Variants in PCNX3 observed in about 807,000 individuals in gnomAD.
The protein encoded by PCNX3 is pecanex 3.
Under a neutral mutation model 207.2 loss-of-function variants are expected in PCNX3, and 58 were observed. The observed-to-expected ratio is 0.28, with a 90% confidence interval of 0.23 to 0.35. PCNX3 has a LOEUF of 0.35. PCNX3 is among the 10% of genes least tolerant of loss of function. The pLI is 1.00. For synonymous variants in PCNX3, 1,337 were observed against 1,183.5 expected (o/e 1.13, Z -2.66); for missense variants, 2,410 against 2,774.4 (o/e 0.87, Z 2.95).
Position 65,625,171 on chromosome 11 carries a change from A to C in PCNX3, c.2920A>C (p.Thr974Pro). The change falls in exon 17 of 35, where the codon ACT becomes CCT. Residue 974 changes from threonine to proline, a missense_variant and splice_region_variant. Physicochemically the swap from Thr to Pro is conservative, Grantham distance 38. This residue lies in a region of PCNX3 where 333 missense variants were observed against 386.8 expected (regional missense o/e 0.86). Coordinates refer to ENST00000355703, the MANE Select transcript of PCNX3 (RefSeq NM_032223.4). This position sits in a 1 kb window ranked among gnomAD's most constrained non-coding sequence, Gnocchi z 5.6. ...LYGFCLGAIK[T>P]PWPEQHVPVL... is the part of the protein sequence containing the mutation. ...TGACCAGCATGGATTCTCTCCGCAG[A>C]CTCCGTGGCCAGAGCAGCACGTCCC... 1 of 1,603,464 alleles carries C rather than the reference A, an allele frequency of 6.2e-7. No individual in the cohort carries two copies. Among genetic ancestry groups the C allele is most frequent in the Non-Finnish European group, 8.5e-7 (1 of 1,175,818 alleles).
At chr11:65,632,667 A>G (rs1565170608) in intron 27 of PCNX3, among the ~76,000 whole-genome samples, 1 of 145,984 alleles carries the variant, frequency 6.9e-6, no homozygotes, top group East Asian at 2.0e-4. Context: ...TGTCAGAGAA[A>G]AGGATGGCAC....
chr11:65,617,618 G>T lies in PCNX3; in HGVS notation c.489G>T (p.Lys163Asn), dbSNP rs754438864. ...CTGGGGCCATGGTTGCAGACATCAA[G>T]GAGCTGGTGCGGGAGCAGGGCAGCA... ...MEDSGPLRDI[K>N]ELVREQGSNN... is the part of the protein sequence containing the mutation. The change falls in exon 5 of 35, where the codon AAG becomes AAT. Residue 163 changes from lysine (K) to asparagine (N), a missense_variant. This residue lies in a region of PCNX3 where 1,104 missense variants were observed against 970.3 expected (regional missense o/e 1.14). Coordinates refer to ENST00000355703, the MANE Select transcript of PCNX3 (RefSeq NM_032223.4). 3 of 1,611,684 alleles carry T rather than the reference G, an allele frequency of 1.9e-6. No individual in the cohort carries two copies.
rs891736773 is a variant in PCNX3 at position 65,620,861 on chromosome 11, C to T, written c.2130C>T (p.His710=). The change falls in exon 10 of 35, where the codon CAC becomes CAT. Residue 710 remains histidine, a synonymous_variant. Coordinates refer to ENST00000355703, the MANE Select transcript of PCNX3 (RefSeq NM_032223.4). ...WDRHSHSSSF[H]SADVPEATGG... Reference sequence around the variant, plus strand: ...GACACTCGCATTCCTCCAGCTTCCACTCGGCTGATGTCCCTGAGGCTACAG... The same window carrying T: ...GACACTCGCATTCCTCCAGCTTCCATTCGGCTGATGTCCCTGAGGCTACAG... 4 of 1,590,074 alleles carry T rather than the reference C, an allele frequency of 2.5e-6. No individual in the cohort carries two copies.
In PCNX3 at chr11:65,636,195, C is replaced by T. The variant is rs61732727; in HGVS notation, c.5481C>T (p.Ala1827=). Residue 1827 remains alanine, a synonymous_variant, in exon 33 of 35, where the codon GCC becomes GCT. Transcript: ENST00000355703. ...TWERLHKGCG[A]GCNSGGNVDD... ...CCAGGCTTCACAAGGGCTGTGGCGC[C>T]GGCTGCAATAGTGGCGGGAACGTGG... The T allele has an allele frequency of 6.1e-3, 9,778 of 1,602,746 alleles. 450 individuals carry two copies. In the African/African-American group the frequency reaches 0.1, roughly 17 times the overall value.
At chr11:65,621,180 T>C (rs1260651652) in intron 10 of PCNX3, among the ~76,000 whole-genome samples, 2 of 152,246 alleles carry the variant, frequency 1.3e-5, no homozygotes, top group African/African-American at 4.8e-5. Flanking sequence ...ATTTGCTTAC[T>C]ACGAATTCCT....
rs765219889 is a variant in PCNX3, at chr11:65,636,967, C to T, written c.6094C>T (p.His2032Tyr). ...ESPAAQPLLE[H>Y]QY Reference sequence around the variant, plus strand: ...CCCGGCAGCCCAGCCCCTGCTGGAACACCAGTACTGAGCTACCTGGCGCCC... The same window carrying T: ...CCCGGCAGCCCAGCCCCTGCTGGAATACCAGTACTGAGCTACCTGGCGCCC... The change falls in exon 35 of 35, where the codon CAC becomes TAC. Residue 2032 changes from histidine to tyrosine, a missense_variant. Transcript: ENST00000355703. The T allele has an allele frequency of 3.8e-6, 6 of 1,570,494 alleles. 1 individual carries two copies. The South Asian group carries it at 5.8e-5, about 15-fold the overall frequency.
rs996296320 is a variant in PCNX3 at position 65,618,611 on chromosome 11, G to A, written c.1249G>A (p.Gly417Ser). 2.6e-5 allele frequency: 42 copies of A among 1,612,500 alleles called. No individual in the cohort carries two copies. The highest frequency in any genetic ancestry group is 3.5e-5 in the Non-Finnish European group (41 of 1,179,818). Residue 417 changes from glycine (G) to serine (S), a missense_variant, in exon 6 of 35, where the codon GGC becomes AGC. Gly to Ser is a moderately conservative substitution (Grantham distance 56, BLOSUM62 0). This residue lies in a region of PCNX3 where 1,104 missense variants were observed against 970.3 expected (regional missense o/e 1.14). Transcript: ENST00000355703. The part of the protein sequence containing the change: ...APRRPLLEGG[G>S]FFEDEDTSEG... ...TCGACGGCCCCTGCTTGAAGGTGGG[G>A]GCTTCTTTGAGGATGAAGACACTAG...
chr11:65,632,586 G>T (rs951132937), intron 27 of PCNX3, among the ~76,000 whole-genome samples: 1 of 127,248 alleles, frequency 7.9e-6, no homozygotes, highest in Admixed American at 9.3e-5. Context: ...CGCAGTGAGC[G>T]CTCACAGGCG....
In PCNX3 at chr11:65,618,918, C is replaced by G; in HGVS notation, c.1556C>G (p.Ala519Gly). 3 of 1,608,206 alleles carry G rather than the reference C, an allele frequency of 1.9e-6. No individual in the cohort carries two copies. The highest frequency in any genetic ancestry group is 1.1e-5 in the South Asian group (1 of 90,436). The change falls in exon 6 of 35, where the codon GCT becomes GGT. Residue 519 changes from alanine to glycine, a missense_variant. Ala to Gly is a moderately conservative substitution (Grantham distance 60). Around this residue, in one of 8 missense-constraint regions of PCNX3, gnomAD observed 1,104 missense variants for 970.3 expected, o/e 1.14. Transcript: ENST00000355703. Reference sequence around the variant, plus strand: ...GGTGATGTTCTGAGGCCCCCACTGGCTGGCTGCAAGGCAGAGCTGGAGGCC... The same window carrying G: ...GGTGATGTTCTGAGGCCCCCACTGGGTGGCTGCAAGGCAGAGCTGGAGGCC... ...AGGDVLRPPLAGCKAELEAQV... is the reference protein window; with the variant it reads ...AGGDVLRPPLGGCKAELEAQV...
At position 65,617,406 on chromosome 11, in the gene PCNX3, T is replaced by C. The variant is rs374072627; in HGVS notation, c.441+57T>C. ...TGTCCCTCTGCGAGCCAGTCCCTAC[T>C]GTGGGTGCATCCTGAGCCTACTTCT... On this transcript the variant is annotated intron_variant, in intron 3 of 34. Transcript: ENST00000355703. The C allele has an allele frequency of 4.4e-5, 71 of 1,613,608 alleles. 1 individual carries two copies. In the South Asian group the frequency reaches 5.7e-4, roughly 13 times the overall value.
rs958597698 is a variant in PCNX3, at chr11:65,626,820, A to C, written c.3380-84A>C. On this transcript the variant is annotated intron_variant, in intron 20 of 34. Transcript: ENST00000355703. ...AGGGTCTCCGAGGAGTCAGGACCGC[A>C]CAGCCTGCCCTCCTAGGGAAGGACT... 3.9e-6 allele frequency: 6 copies of C among 1,542,558 alleles called. No individual in the cohort carries two copies. The African/African-American group carries it at 8.2e-5, about 21-fold the overall frequency.
rs1176524841 is a variant in PCNX3 at position 65,636,610 on chromosome 11, T to TG, written c.5819dup (p.Arg1941ProfsTer8). The TG allele has an allele frequency of 3.2e-6, 5 of 1,585,986 alleles. No individual in the cohort carries two copies. The highest frequency in any genetic ancestry group is 3.4e-6 in the Non-Finnish European group (4 of 1,168,514). ...GAGGGCCCCAGTGGAAAGTGGAGCC[T>TG]GGGGGGCCGGAAGGGGCTGGGAGGA... On this transcript the variant is annotated frameshift_variant, in exon 34 of 35. Coordinates refer to ENST00000355703, the MANE Select transcript of PCNX3 (RefSeq NM_032223.4). LOFTEE classifies it high-confidence loss of function.
chr11:65,630,223 G>A, intron 26 of PCNX3, 128 bp from the exon 27 acceptor site: 10 of 1,347,852 alleles, frequency 7.4e-6, no homozygotes, highest in Non-Finnish European at 9.0e-6. Flanking sequence ...CATCCAATAA[G>A]GTTGACTCCC....
chr11:65,625,786 C>T lies in PCNX3; in HGVS notation c.3228+42C>T, dbSNP rs373415187. 4.2e-5 allele frequency: 67 copies of T among 1,597,276 alleles called. No homozygotes were observed. The highest frequency in any genetic ancestry group is 4.0e-4 in the African/African-American group (30 of 74,750). ...CCGCTGCTGCCTCTCGCTGTCTTGG[C>T]GGGAGCCTGCTCAATCTGAGTGCCG... On this transcript the variant is annotated intron_variant, in intron 19 of 34. Coordinates refer to ENST00000355703, the MANE Select transcript of PCNX3 (RefSeq NM_032223.4). This position sits in a 1 kb window ranked among gnomAD's most constrained non-coding sequence, Gnocchi z 5.6.
chr11:65,620,098 G>C (rs900991782), intron 8 of PCNX3, among the ~76,000 whole-genome samples, 166 bp downstream of exon 8: 2 of 152,224 alleles, frequency 1.3e-5, no homozygotes, highest in African/African-American at 4.8e-5. Flanking sequence ...GTCATCTTTT[G>C]CTCTGCTGAT....
Position 65,618,704 on chromosome 11 carries a change from T to A in PCNX3, c.1342T>A (p.Ser448Thr), listed in dbSNP as rs747968668. 3.7e-6 allele frequency: 6 copies of A among 1,612,958 alleles called. No individual in the cohort carries two copies. Among genetic ancestry groups the A allele is most frequent in the Non-Finnish European group, 5.1e-6 (6 of 1,179,568 alleles). ...SQRRYSTDSS[S>T]STSCYSPESS... is the part of the protein sequence containing the mutation. ...GCGCCGCTACAGTACTGACAGCTCC[T>A]CTTCTACTTCCTGCTACTCCCCTGA... The change falls in exon 6 of 35, where the codon TCT becomes ACT. Residue 448 changes from serine (S) to threonine (T), a missense_variant. By Grantham distance (58) the Ser-to-Thr change is moderately conservative (BLOSUM62 1). Around this residue, in one of 8 missense-constraint regions of PCNX3, gnomAD observed 1,104 missense variants for 970.3 expected, o/e 1.14. Coordinates refer to ENST00000355703, the MANE Select transcript of PCNX3 (RefSeq NM_032223.4).
Position 65,616,102 on chromosome 11 carries a change from G to A in PCNX3, c.-210G>A. On this transcript the variant is annotated 5_prime_UTR_variant, in exon 1 of 35. Transcript: ENST00000355703. ...CCGCCCCTGATGCAGCCCCACCCCC[G>A]CGTCCGGGCCTTGCACCACTGACTG... is the stretch of plus-strand genomic sequence containing the variant. 5.8e-6 allele frequency: 2 copies of A among 347,454 alleles called. No individual in the cohort carries two copies. Among genetic ancestry groups the A allele is most frequent in the Non-Finnish European group, 5.1e-6 (1 of 194,856 alleles). 21.5% of individuals were successfully genotyped at this position (347,454 alleles called of 1,614,324 possible).
chr11:65,626,716 G>C, intron 20 of PCNX3, 188 bp from the exon 21 acceptor site: 1 of 718,922 alleles, frequency 1.4e-6, no homozygotes, highest in South Asian at 1.9e-5. Context: ...GCCTCGATGT[G>C]CTAAGTGCCA....
chr11:65,616,175 C>A lies in PCNX3; in HGVS notation c.-137C>A. 1.6e-6 allele frequency: 1 copy of A among 622,688 alleles called. No homozygotes were observed. Among genetic ancestry groups the A allele is most frequent in the Non-Finnish European group, 2.4e-6 (1 of 422,980 alleles). 38.6% of individuals were successfully genotyped at this position (622,688 alleles called of 1,614,324 possible). A position where few individuals can be genotyped will look rare whatever the true frequency, so the allele number is the denominator to read the frequency against. On this transcript the variant is annotated 5_prime_UTR_variant, in exon 1 of 35. Transcript: ENST00000355703. ...CTCGCACCCTCGCGCGGCCGAGCCC[C>A]CCTCCCCCGCTGGGGGAGGCCATGG...
Sources: gnomAD v4.1 joint callset for allele counts (sites outside exome capture counted in the v4.1 genomes callset) on GRCh38, gnomAD v4.1.1 for gene constraint, gnomAD v4.1.1 regional missense constraint, Gnocchi (gnomAD v3.1) non-coding constraint, MANE v1.5 for transcripts, NCBI Gene and HGNC (gene_info 2026-07-23, HGNC 2026-07-21) for gene names.